The following DPP6 variants were observed in gnomAD, a reference collection of about 807,000 sequenced individuals.
DPP6 encodes the protein dipeptidyl peptidase like 6.
A neutral mutation model predicts 122.6 loss-of-function variants in DPP6; 69 were observed. That is an observed-to-expected ratio of 0.56 (90% confidence interval 0.46 to 0.69). The LOEUF (loss-of-function observed/expected upper bound fraction) is 0.69, where lower values mean the gene tolerates loss of function less well. Among genes scored for constraint, DPP6 ranks in the 30% least tolerant of loss-of-function variants. DPP6 has a pLI of 0.00. For synonymous variants in DPP6, 418 were observed against 433.1 expected (o/e 0.97, Z 0.43); for missense variants, 928 against 1,116.9 (o/e 0.83, Z 2.41).
intron 3 of DPP6, 105 bp from the exon 4 acceptor site, chr7:154,540,423 CCTAT>C: frequency 1.4e-6 from 1 of 715,084 alleles, no homozygotes; most frequent in Non-Finnish European, 2.5e-6. Flanking sequence ...TGAGTGGGAG[CCTAT>C]CTTTTTTTCA....
chr7:154,601,181 G>A lies in DPP6; in HGVS notation c.627+34265G>A, dbSNP rs1833398532. Among the ~76,000 whole-genome samples the A allele has an allele frequency of 1.6e-5, 2 of 121,622 alleles. 1 individual carries two copies. Among genetic ancestry groups the A allele is most frequent in the South Asian group, 6.7e-4 (2 of 2,976 alleles). 79.8% of individuals were successfully genotyped at this position (121,622 alleles called of 152,430 possible). ...AATGCGTCCAGGGTCTTGAAGGTGTGTATGTATGCTGATGCACTTGGATGA... is the reference window on the plus strand; with the variant it reads ...AATGCGTCCAGGGTCTTGAAGGTGTATATGTATGCTGATGCACTTGGATGA... On this transcript the variant is annotated intron_variant, in intron 5 of 25. Coordinates refer to ENST00000377770, the MANE Select transcript of DPP6 (RefSeq NM_130797.4).
intron 7 of DPP6, among the ~76,000 whole-genome samples, chr7:154,675,206 C>T (rs74860889): frequency 1.2e-4 from 18 of 151,476 alleles, no homozygotes; most frequent in Middle Eastern, 3.4e-3. Context: ...GGGGCCTGTC[C>T]GGGGGCGGGG....
At chr7:153,937,611 C>G (rs1043007389) in intron 1 of DPP6, among the ~76,000 whole-genome samples, 2 of 152,070 alleles carry the variant, frequency 1.3e-5, no homozygotes, top group African/African-American at 4.8e-5. Context: ...CCATGCCTAA[C>G]TAATTTTTGT....
intron 7 of DPP6, among the ~76,000 whole-genome samples, chr7:154,715,193 A>G (rs533240672): frequency 6.6e-6 from 1 of 152,220 alleles, no homozygotes; most frequent in African/African-American, 2.4e-5. Context: ...TAGCCTCCCA[A>G]GTAACTGGGA....
intron 2 of DPP6, among the ~76,000 whole-genome samples, chr7:154,463,660 C>T (rs925627553): frequency 3.9e-5 from 6 of 152,002 alleles, no homozygotes; most frequent in South Asian, 2.1e-4. Context: ...TATTTAGGGC[C>T]CAAGGGCTCC....
chr7:154,546,011 A>G (rs1317480580), intron 4 of DPP6, among the ~76,000 whole-genome samples: 1 of 152,190 alleles, frequency 6.6e-6, no homozygotes, highest in Non-Finnish European at 1.5e-5. Context: ...ATATTGATGC[A>G]TTTTTATTTG....
chr7:154,137,281 C>T (rs1486244564), intron 1 of DPP6, among the ~76,000 whole-genome samples: 1 of 152,044 alleles, frequency 6.6e-6, no homozygotes, highest in African/African-American at 2.4e-5. Flanking sequence ...TGAGTGAAGT[C>T]CCTGCTGGAA....
chr7:154,633,034 A>G (rs1446412903), intron 5 of DPP6, among the ~76,000 whole-genome samples: 1 of 152,212 alleles, frequency 6.6e-6, no homozygotes, highest in Non-Finnish European at 1.5e-5. Context: ...GTTTTGGGAA[A>G]TAAGTTCTCC....
At chr7:154,724,461 C>T (rs1244727183) in intron 7 of DPP6, among the ~76,000 whole-genome samples, 1 of 152,210 alleles carries the variant, frequency 6.6e-6, no homozygotes, top group Non-Finnish European at 1.5e-5. Flanking sequence ...GTTAGTGCTC[C>T]TCAGATGATA....
At chr7:154,045,735 C>T (rs1413812358) in intron 1 of DPP6, among the ~76,000 whole-genome samples, 2 of 152,208 alleles carry the variant, frequency 1.3e-5, no homozygotes, top group South Asian at 4.1e-4. Context: ...ATTGAGAAAA[C>T]GGCATCTATT....
chr7:154,873,945 T>TGCACACACACACGCACCTGCATACATAA (rs1804619044), intron 19 of DPP6, among the ~76,000 whole-genome samples: 1 of 133,128 alleles, frequency 7.5e-6, no homozygotes, highest in East Asian at 3.2e-4. Flanking sequence ...TGTGCACACA[T>TGCACACACACACGCACCTGCATACATAA]GCACACACAC....
At chr7:154,165,408 G>T (rs1797197270) in intron 1 of DPP6, among the ~76,000 whole-genome samples, 1 of 147,082 alleles carries the variant, frequency 6.8e-6, no homozygotes, top group Non-Finnish European at 1.5e-5. Flanking sequence ...GTCTATCATT[G>T]TTGGACATTT....
At chr7:154,268,611 C>A (rs1373605168) in intron 1 of DPP6, among the ~76,000 whole-genome samples, 1 of 152,180 alleles carries the variant, frequency 6.6e-6, no homozygotes, top group East Asian at 1.9e-4. Flanking sequence ...ATTCAGACCA[C>A]AGTGACAGCC....
chr7:154,835,085 T>C (rs1161632240), intron 16 of DPP6, among the ~76,000 whole-genome samples: 1 of 152,158 alleles, frequency 6.6e-6, no homozygotes, highest in African/African-American at 2.4e-5. Flanking sequence ...TACCTCTAGC[T>C]CCCTTTTGTG....
intron 7 of DPP6, among the ~76,000 whole-genome samples, chr7:154,720,875 C>T (rs1841767668): frequency 6.6e-6 from 1 of 152,350 alleles, no homozygotes; most frequent in South Asian, 2.1e-4. Flanking sequence ...CCTGCAGTCA[C>T]CGGGCAGCTG....
intron 5 of DPP6, among the ~76,000 whole-genome samples, chr7:154,594,063 T>C (rs6964189): frequency 0.59 from 90,191 of 151,966 alleles, 27,255 homozygotes; most frequent in African/African-American, 0.7. Flanking sequence ...TTGTAGAAAG[T>C]GTGACCTTCC....
At chr7:154,721,382 G>C in intron 7 of DPP6, among the ~76,000 whole-genome samples, 1 of 152,156 alleles carries the variant, frequency 6.6e-6, no homozygotes, top group East Asian at 1.9e-4. Flanking sequence ...GTGCTCCTGT[G>C]TCTTCATCTA....
At chr7:154,087,993 T>C (rs3095186) in intron 1 of DPP6, among the ~76,000 whole-genome samples, 4 of 152,278 alleles carry the variant, frequency 2.6e-5, no homozygotes, top group South Asian at 2.1e-4. Flanking sequence ...GGTTCTTGTG[T>C]CTCTTGTCTT....
intron 8 of DPP6, among the ~76,000 whole-genome samples, chr7:154,752,131 C>A (rs1456018047): frequency 6.6e-6 from 1 of 152,158 alleles, no homozygotes; most frequent in East Asian, 1.9e-4. Context: ...AAAGACTGAA[C>A]TAAGCTGTGT....
Sources: gnomAD v4.1 joint callset for allele counts (sites outside exome capture counted in the v4.1 genomes callset) on GRCh38, gnomAD v4.1.1 for gene constraint, MANE v1.5 for transcripts, NCBI Gene and HGNC (gene_info 2026-07-23, HGNC 2026-07-21) for gene names.